The following GALK2 variants were observed in gnomAD, a reference collection of about 807,000 sequenced individuals.
GALK2 encodes N-acetylgalactosamine kinase.
In GALK2, 36 loss-of-function variants were observed where a neutral mutation model predicts 52.4. That is an observed-to-expected ratio of 0.69 (90% CI 0.53 to 0.91). GALK2 has a LOEUF of 0.91. Among genes scored for constraint, GALK2 ranks in the 40% least tolerant of loss-of-function variants. The pLI is 0.00. For synonymous variants in GALK2, 176 were observed against 199.1 expected, an observed-to-expected ratio of 0.88 and a Z score of 0.98; for missense variants, 579 against 559.1, an observed-to-expected ratio of 1.04 and a Z score of -0.36.
intron 5 of GALK2, among the ~76,000 whole-genome samples, chr15:49,280,436 C>T (rs983962031): frequency 3.3e-5 from 5 of 152,006 alleles, no homozygotes; most frequent in African/African-American, 9.7e-5. Flanking sequence ...AAAGAGCCTG[C>T]GGTAGTAAAG....
intron 9 of GALK2, among the ~76,000 whole-genome samples, chr15:49,321,694 G>A (rs2036885854): frequency 6.6e-6 from 1 of 152,190 alleles, no homozygotes; most frequent in Admixed American, 6.5e-5. Context: ...TCACATATGA[G>A]TTCATTGGAA....
intron 3 of GALK2, among the ~76,000 whole-genome samples, chr15:49,222,743 C>A (rs551028795): frequency 1.3e-5 from 2 of 152,112 alleles, no homozygotes; most frequent in East Asian, 3.9e-4. Context: ...GGATAAATCC[C>A]GCTTGATCAT....
chr15:49,162,813 G>T (rs1389494380), intron 1 of GALK2, among the ~76,000 whole-genome samples: 1 of 152,200 alleles, frequency 6.6e-6, no homozygotes, highest in Non-Finnish European at 1.5e-5. Flanking sequence ...CAGCCCACAA[G>T]GAACTGAATG....
At chr15:49,221,612 A>G (rs1457967698) in intron 3 of GALK2, among the ~76,000 whole-genome samples, 3 of 152,074 alleles carry the variant, frequency 2.0e-5, no homozygotes, top group African/African-American at 7.2e-5. Context: ...GGTTGCAGTG[A>G]GCCGAGATCG....
At chr15:49,344,952 C>A (rs187445298) in intron 3 of GALK2, among the ~76,000 whole-genome samples, 2 of 152,122 alleles carry the variant, frequency 1.3e-5, no homozygotes, top group South Asian at 2.1e-4. Context: ...TTAATACAAC[C>A]AATGATACAC....
At chr15:49,214,056 C>T (rs1446926204) in intron 2 of GALK2, among the ~76,000 whole-genome samples, 1 of 152,036 alleles carries the variant, frequency 6.6e-6, no homozygotes, top group African/African-American at 2.4e-5. Flanking sequence ...GGAGGTGGAG[C>T]GTGCAGTGAG....
chr15:49,201,090 G>A (rs2087724960), intron 1 of GALK2, 72 bp from the exon 2 acceptor site: 2 of 706,880 alleles, frequency 2.8e-6, no homozygotes, highest in Middle Eastern at 3.3e-4. Context: ...GTGTGTGTAT[G>A]TATGTGTGTG....
intron 3 of GALK2, chr15:49,223,157 G>GGTTT (rs1321262281): frequency 6.6e-6 from 1 of 151,980 alleles, no homozygotes; most frequent in Non-Finnish European, 1.5e-5. Flanking sequence ...TAGGTTTTCT[G>GGTTT]GTTTGTTTGT....
chr15:49,319,206 G>T, intron 8 of GALK2: 1 of 351,478 alleles, frequency 2.8e-6, no homozygotes, highest in South Asian at 2.2e-5. Flanking sequence ...CACCTGCCTC[G>T]GCCTCCCAAA....
At chr15:49,348,019 CAAAAAAA>C (rs67614443) in intron 3 of GALK2, among the ~76,000 whole-genome samples, 20 of 70,092 alleles carry the variant, frequency 2.9e-4, no homozygotes, top group Admixed American at 2.6e-3. Context: ...AACTCTGTCT[CAAAAAAA>C]AAAAAAAAAA....
intron 1 of GALK2, among the ~76,000 whole-genome samples, chr15:49,179,625 C>T (rs1472053185): frequency 1.3e-5 from 2 of 150,078 alleles, no homozygotes; most frequent in Non-Finnish European, 3.0e-5. Context: ...GTTACTAATA[C>T]TGCTGTTCTT....
At chr15:49,299,735 T>TTTTCTTTCTTTCTTTCTTTCTTTC (rs869275324) in intron 8 of GALK2, among the ~76,000 whole-genome samples, 1 of 77,530 alleles carries the variant, frequency 1.3e-5, no homozygotes, top group Non-Finnish European at 2.6e-5. Context: ...TCTTTCTTTC[T>TTTTCTTTCTTTCTTTCTTTCTTTC]TTTCTTTCTT....
At chr15:49,195,013 C>A (rs551505037) in intron 1 of GALK2, 1 of 417,236 alleles carries the variant, frequency 2.4e-6, no homozygotes, top group African/African-American at 2.1e-5. Context: ...AGAACTACAT[C>A]TTTATGATGT....
intron 5 of GALK2, among the ~76,000 whole-genome samples, chr15:49,242,592 G>A (rs2091153273): frequency 6.6e-6 from 1 of 152,208 alleles, no homozygotes; most frequent in Non-Finnish European, 1.5e-5. Context: ...ACCCCATTCA[G>A]TTGCAGACAA....
At chr15:49,208,666 T>C (rs1460926861) in intron 2 of GALK2, among the ~76,000 whole-genome samples, 2 of 152,208 alleles carry the variant, frequency 1.3e-5, no homozygotes, top group Non-Finnish European at 2.9e-5. Context: ...ATGTGTTAAG[T>C]CCATTTGTTC....
intron 5 of GALK2, among the ~76,000 whole-genome samples, chr15:49,265,351 C>T (rs950855759): frequency 6.6e-6 from 1 of 152,246 alleles, no homozygotes; most frequent in African/African-American, 2.4e-5. Context: ...CAGCGAGGCT[C>T]CGTGGGCATA....
intron 3 of GALK2, among the ~76,000 whole-genome samples, chr15:49,346,740 T>C (rs1386875442): frequency 2.6e-5 from 4 of 152,156 alleles, no homozygotes; most frequent in South Asian, 2.1e-4. Flanking sequence ...ATAATGCTAA[T>C]TGTATAACAA....
At chr15:49,227,571 T>A (rs1302756095) in intron 3 of GALK2, among the ~76,000 whole-genome samples, 3 of 152,158 alleles carry the variant, frequency 2.0e-5, no homozygotes, top group Admixed American at 6.5e-5. Context: ...TATAGGGTCA[T>A]GTTTTTAAAT....
At chr15:49,204,506 T>A (rs1423600417) in intron 2 of GALK2, among the ~76,000 whole-genome samples, 1 of 152,102 alleles carries the variant, frequency 6.6e-6, no homozygotes, top group Non-Finnish European at 1.5e-5. Context: ...CTTCAATTTC[T>A]TTCATCAGTG....
Sources: allele counts gnomAD v4.1 joint callset (sites outside exome capture counted in the v4.1 genomes callset), GRCh38; gene constraint gnomAD v4.1.1; transcripts MANE v1.5; gene names NCBI Gene and HGNC (gene_info 2026-07-23, HGNC 2026-07-21).